The following MYZAP variants were observed in gnomAD, a reference collection of about 807,000 sequenced individuals.
MYZAP encodes myocardial zonula adherens protein.
MYZAP carries 66 observed loss-of-function variants against 69.4 expected under a neutral mutation model. That is an observed-to-expected ratio of 0.95 (90% CI 0.78 to 1.17). MYZAP has a LOEUF of 1.17. Among genes scored for constraint, MYZAP ranks in the 50% most tolerant of loss-of-function variants. MYZAP has a pLI of 0.00. For synonymous variants in MYZAP, 256 were observed against 205.9 expected, an observed-to-expected ratio of 1.24 and a Z score of -2.09; for missense variants, 611 against 556.2, an observed-to-expected ratio of 1.10 and a Z score of -0.99.
At chr15:57,665,688 A>T (rs2038533912) in intron 11 of MYZAP, among the ~76,000 whole-genome samples, 1 of 152,192 alleles carries the variant, frequency 6.6e-6, no homozygotes, top group Non-Finnish European at 1.5e-5. Context: ...TGGTTAATGA[A>T]AGCGGAAGAC....
chr15:57,651,218 C>T (rs1223716239), intron 10 of MYZAP, among the ~76,000 whole-genome samples: 3 of 152,160 alleles, frequency 2.0e-5, no homozygotes, highest in African/African-American at 7.2e-5. Flanking sequence ...CAGCTTTGTG[C>T]CAGATGTGGA....
In MYZAP at chr15:57,604,539, G is replaced by A. The variant is rs372422965; in HGVS notation, c.162+184G>A. 2.3e-4 allele frequency among the ~76,000 whole-genome samples: 35 copies of A among 152,224 alleles called. 1 individual carries two copies. Among genetic ancestry groups the A allele is most frequent in the African/African-American group, 6.3e-4 (26 of 41,544 alleles). ...AGAAGACAGAGAGCTCTCCCTAGCC[G>A]GCTCTGCCACCGACGTGCCCTGCTC... is the stretch of plus-strand genomic sequence containing the variant. On this transcript the variant is annotated intron_variant, in intron 2 of 12. Coordinates refer to ENST00000267853, the MANE Select transcript of MYZAP (RefSeq NM_001018100.5).
intron 7 of MYZAP, 148 bp from the exon 8 acceptor site, chr15:57,633,465 T>G: frequency 8.5e-7 from 1 of 1,172,246 alleles, no homozygotes; most frequent in Non-Finnish European, 1.1e-6. Context: ...AACCGTGAGG[T>G]TGAGTTCATG....
At chr15:57,634,390 G>A (rs1289329113) in intron 8 of MYZAP, among the ~76,000 whole-genome samples, 2 of 152,212 alleles carry the variant, frequency 1.3e-5, no homozygotes, top group African/African-American at 2.4e-5. Context: ...GGACCCAGGA[G>A]TTCAGGGCCA....
intron 2 of MYZAP, among the ~76,000 whole-genome samples, chr15:57,613,422 G>A (rs186014136): frequency 6.6e-5 from 10 of 152,170 alleles, no homozygotes; most frequent in Admixed American, 5.9e-4. Context: ...CCAGGCTGGA[G>A]TATAGTAGTA....
rs1469186407 is a variant in MYZAP, at chr15:57,618,154, G to T, written c.284G>T (p.Ser95Ile). Residue 95 changes from serine (S) to isoleucine (I), a missense_variant, in exon 3 of 13, where the codon AGT becomes ATT. Transcript: ENST00000267853. Reference protein sequence around the residue: ...KEMVVYGWSTSQLKEEMNYIK... With the variant: ...KEMVVYGWSTIQLKEEMNYIK... ...ATGGTGGTGTATGGGTGGTCCACCA[G>T]TCAGCTGAAAGAAGAGATGAACTAC... is the stretch of plus-strand genomic sequence containing the variant. 6.2e-7 allele frequency: 1 copy of T among 1,614,056 alleles called. No individual in the cohort carries two copies. The highest frequency in any genetic ancestry group is 8.5e-7 in the Non-Finnish European group (1 of 1,180,034).
intron 10 of MYZAP, chr15:57,647,074 G>T: frequency 1.0e-6 from 1 of 985,358 alleles, no homozygotes. Context: ...GAGGCCCAGT[G>T]TCCCTCAGAC....
intron 2 of MYZAP, among the ~76,000 whole-genome samples, chr15:57,604,564 C>G (rs1192987603): frequency 6.6e-6 from 1 of 152,218 alleles, no homozygotes; most frequent in African/African-American, 2.4e-5. Flanking sequence ...GTGCCCTGCT[C>G]TTGTTTCTTG....
At chr15:57,634,609 A>T (rs2554043) in intron 8 of MYZAP, among the ~76,000 whole-genome samples, 1 of 151,994 alleles carries the variant, frequency 6.6e-6, no homozygotes, top group Non-Finnish European at 1.5e-5. Flanking sequence ...CGCCTTAGCT[A>T]ATGGTGTTTG....
At chr15:57,593,188 G>GCGCGCACACACACA (rs1555454573) in intron 1 of MYZAP, among the ~76,000 whole-genome samples, 1 of 114,152 alleles carries the variant, frequency 8.8e-6, no homozygotes, top group African/African-American at 3.4e-5. Context: ...GTACACAGGC[G>GCGCGCACACACACA]CACACACACA....
chr15:57,659,485 G>C (rs1255047441), intron 10 of MYZAP, among the ~76,000 whole-genome samples: 2 of 152,116 alleles, frequency 1.3e-5, no homozygotes, highest in African/African-American at 2.4e-5. Flanking sequence ...TTTCACACTT[G>C]TATTGCTTTC....
chr15:57,638,376 C>T (rs540365063), intron 9 of MYZAP, among the ~76,000 whole-genome samples: 51 of 152,226 alleles, frequency 3.4e-4, no homozygotes, highest in African/African-American at 9.4e-4. Context: ...CATCTTTAAA[C>T]GGGGGAGACG....
chr15:57,676,653 A>G (rs1422323304), intron 12 of MYZAP, among the ~76,000 whole-genome samples: 1 of 152,036 alleles, frequency 6.6e-6, no homozygotes, highest in Non-Finnish European at 1.5e-5. Context: ...CACATAATAA[A>G]TCTTGTTTGG....
At chr15:57,662,009 G>T (rs2038334951) in intron 11 of MYZAP, among the ~76,000 whole-genome samples, 1 of 152,182 alleles carries the variant, frequency 6.6e-6, no homozygotes, top group African/African-American at 2.4e-5. Flanking sequence ...GTCAGAGCCA[G>T]GCTGAAAGAC....
Position 57,665,366 on chromosome 15 carries a change from C to A in MYZAP, c.1203+3833C>A, listed in dbSNP as rs145076082. 7.9e-5 allele frequency among the ~76,000 whole-genome samples: 12 copies of A among 152,356 alleles called. No individual in the cohort carries two copies. The East Asian group carries it at 2.3e-3, about 29-fold the overall frequency. ...ATTCATAGGAGTTTGGGATTCATAT[C>A]AAGTCTTAGAGTTTAAGTGTCATAA... On this transcript the variant is annotated intron_variant, in intron 11 of 12. Coordinates refer to ENST00000267853, the MANE Select transcript of MYZAP (RefSeq NM_001018100.5).
intron 1 of MYZAP, among the ~76,000 whole-genome samples, chr15:57,603,498 C>G (rs1421716787): frequency 1.3e-5 from 2 of 152,142 alleles, no homozygotes; most frequent in African/African-American, 4.8e-5. Flanking sequence ...TTCCCTGTAT[C>G]CTTACCCCCT....
intron 1 of MYZAP, among the ~76,000 whole-genome samples, chr15:57,601,905 C>A (rs1029452505): frequency 6.6e-6 from 1 of 152,056 alleles, no homozygotes; most frequent in East Asian, 1.9e-4. Flanking sequence ...GTTAGAGGTG[C>A]CTGGTAGCAA....
At chr15:57,631,427 G>T (rs1418759686) in intron 6 of MYZAP, among the ~76,000 whole-genome samples, 2 of 147,972 alleles carry the variant, frequency 1.4e-5, no homozygotes, top group South Asian at 2.2e-4. Flanking sequence ...GAGTTAAAAA[G>T]GTTTCTCCTA....
intron 2 of MYZAP, among the ~76,000 whole-genome samples, chr15:57,612,698 G>C (rs1329464905): frequency 6.6e-6 from 1 of 152,114 alleles, no homozygotes; most frequent in Non-Finnish European, 1.5e-5. Flanking sequence ...GAGGAATTTA[G>C]GCTGAGTTAG....
Sources: allele counts gnomAD v4.1 joint callset (sites outside exome capture counted in the v4.1 genomes callset), GRCh38; gene constraint gnomAD v4.1.1; transcripts MANE v1.5; gene names NCBI Gene and HGNC (gene_info 2026-07-23, HGNC 2026-07-21).